Variants in NCOA1 observed in about 807,000 individuals in gnomAD.
NCOA1 encodes the protein Hin-2 protein.
Under a neutral mutation model 150.9 loss-of-function variants are expected in NCOA1, and 35 were observed. The observed-to-expected ratio is 0.23, with a 90% CI of 0.18 to 0.31. The LOEUF (loss-of-function observed/expected upper bound fraction) is 0.31. Among genes scored for constraint, NCOA1 ranks in the 10% least tolerant of loss-of-function variants. NCOA1 has a pLI of 1.00. For synonymous variants in NCOA1, 590 were observed against 630.0 expected (o/e 0.94, Z 0.95); for missense variants, 1,491 against 1,749.3 (o/e 0.85, Z 2.63).
intron 3 of NCOA1, among the ~76,000 whole-genome samples, chr2:24,625,359 T>C (rs1366736153): frequency 2.4e-5 from 2 of 82,378 alleles, no homozygotes; most frequent in African/African-American, 3.5e-5. Flanking sequence ...AGCGAGACTC[T>C]GCCTCAAAAA....
At chr2:24,642,944 G>A (rs1558867421) in intron 3 of NCOA1, among the ~76,000 whole-genome samples, 1 of 152,152 alleles carries the variant, frequency 6.6e-6, no homozygotes, top group Non-Finnish European at 1.5e-5. Context: ...GGAACAGATT[G>A]CAGTTGTCAA....
Position 24,729,754 on chromosome 2 carries a change from C to A in NCOA1, c.3140C>A (p.Pro1047His). ...CAGCCCAGGCAAACTCTAAACAGAC[C>A]TCCGGCTGCACCTAACCAGCTTCGA... ...GMQPRQTLNRPPAAPNQLRLQ... is the reference protein window; with the variant it reads ...GMQPRQTLNRHPAAPNQLRLQ... Residue 1047 changes from proline (P) to histidine (H), a missense_variant, in exon 17 of 23, where the codon CCT becomes CAT. This residue lies in a region of NCOA1 where 485 missense variants were observed against 522.8 expected (regional missense o/e 0.93). Transcript: ENST00000348332. 1 of 1,614,226 alleles carries A rather than the reference C, an allele frequency of 6.2e-7. No individual in the cohort carries two copies. Among genetic ancestry groups the A allele is most frequent in the East Asian group, 2.2e-5 (1 of 44,888 alleles).
At chr2:24,742,247 A>C in intron 19 of NCOA1, 61 bp downstream of exon 19, 2 of 1,513,914 alleles carry the variant, frequency 1.3e-6, no homozygotes, top group Non-Finnish European at 1.8e-6. Flanking sequence ...GTCTCTCTCC[A>C]TCTTTATGTC....
At chr2:24,646,706 C>CTTT (rs79399130) in intron 4 of NCOA1, among the ~76,000 whole-genome samples, 2 of 132,294 alleles carry the variant, frequency 1.5e-5, no homozygotes, top group African/African-American at 2.8e-5. Context: ...TTTCTTCTTT[C>CTTT]TTTTTTTTTT....
intron 1 of NCOA1, among the ~76,000 whole-genome samples, chr2:24,552,221 G>A (rs968790893): frequency 6.7e-6 from 1 of 148,446 alleles, no homozygotes; most frequent in Non-Finnish European, 1.5e-5. Flanking sequence ...ATTAATTTGG[G>A]GGAAAATTGA....
chr2:24,493,437 C>T (rs1404276689), intron 1 of NCOA1, among the ~76,000 whole-genome samples: 1 of 152,156 alleles, frequency 6.6e-6, no homozygotes, highest in Non-Finnish European at 1.5e-5. Context: ...GGTTATTTAA[C>T]AACATTGAAG....
chr2:24,570,477 T>G (rs2148279016), intron 2 of NCOA1, among the ~76,000 whole-genome samples: 1 of 152,320 alleles, frequency 6.6e-6, no homozygotes, highest in East Asian at 1.9e-4. Context: ...AACTCATTAG[T>G]TTTCTTCAGA....
At chr2:24,670,087 G>A (rs934064044) in intron 6 of NCOA1, among the ~76,000 whole-genome samples, 6 of 152,146 alleles carry the variant, frequency 3.9e-5, no homozygotes, top group Admixed American at 2.0e-4. Context: ...GCAATGAGCT[G>A]TGATTGTGCC....
At chr2:24,637,694 T>C (rs1039823485) in intron 3 of NCOA1, among the ~76,000 whole-genome samples, 5 of 151,248 alleles carry the variant, frequency 3.3e-5, no homozygotes, top group Admixed American at 1.3e-4. Flanking sequence ...TTGTTTTGTT[T>C]TGTTTTGTTT....
intron 10 of NCOA1, 53 bp downstream of exon 10, chr2:24,693,400 C>A: frequency 7.1e-7 from 1 of 1,407,592 alleles, no homozygotes; most frequent in Non-Finnish European, 1.0e-6. Context: ...TGTGACTCTG[C>A]CCTTAAAACT....
At chr2:24,557,952 T>C (rs1666138797) in intron 1 of NCOA1, among the ~76,000 whole-genome samples, 1 of 151,454 alleles carries the variant, frequency 6.6e-6, no homozygotes, top group Admixed American at 6.6e-5. Context: ...TTGGTGTTTA[T>C]TATGAAGGGT....
chr2:24,633,617 T>C (rs1168320788), intron 3 of NCOA1, among the ~76,000 whole-genome samples: 2 of 152,154 alleles, frequency 1.3e-5, no homozygotes, highest in Non-Finnish European at 2.9e-5. Flanking sequence ...CTCCATAATA[T>C]TCAGGGAAAT....
At chr2:24,673,525 T>C in intron 7 of NCOA1, 62 bp downstream of exon 7, 1 of 1,130,206 alleles carries the variant, frequency 8.8e-7, no homozygotes, top group Non-Finnish European at 1.3e-6. Context: ...TTTGGTTTTT[T>C]CTTTTTTAAA....
intron 10 of NCOA1, 121 bp from the exon 11 acceptor site, chr2:24,697,537 T>A (rs1672958754): frequency 3.4e-6 from 3 of 895,378 alleles, no homozygotes; most frequent in Non-Finnish European, 4.9e-6. Flanking sequence ...TAGTGCTTTT[T>A]GATGCTTTTG....
At chr2:24,608,522 C>G (rs2148376718) in intron 3 of NCOA1, among the ~76,000 whole-genome samples, 1 of 151,644 alleles carries the variant, frequency 6.6e-6, no homozygotes, top group African/African-American at 2.4e-5. Context: ...CCACCTCGTC[C>G]TCCCAAAGTA....
At chr2:24,717,607 CAT>C (rs563520170) in intron 14 of NCOA1, among the ~76,000 whole-genome samples, 2 of 151,696 alleles carry the variant, frequency 1.3e-5, no homozygotes, top group African/African-American at 2.4e-5. Flanking sequence ...GACATATACA[CAT>C]ATATATATAT....
chr2:24,749,960 G>A (rs894380303), intron 19 of NCOA1, among the ~76,000 whole-genome samples: 3 of 152,046 alleles, frequency 2.0e-5, no homozygotes, highest in Admixed American at 1.3e-4. Flanking sequence ...GTTAAGTAGA[G>A]CCTAGAGCCA....
At chr2:24,609,082 C>T (rs529059497) in intron 3 of NCOA1, among the ~76,000 whole-genome samples, 18 of 152,210 alleles carry the variant, frequency 1.2e-4, no homozygotes, top group Admixed American at 6.5e-4. Context: ...CTTTTCCTTA[C>T]TTAATTGTTG....
chr2:24,497,632 A>G (rs553206145), intron 1 of NCOA1, among the ~76,000 whole-genome samples: 13 of 152,052 alleles, frequency 8.5e-5, no homozygotes, highest in Admixed American at 7.2e-4. Flanking sequence ...AGATCGCGCC[A>G]TTGCACTCCA....
Sources: allele counts gnomAD v4.1 joint callset (sites outside exome capture counted in the v4.1 genomes callset), GRCh38; gene constraint gnomAD v4.1.1; regional missense constraint gnomAD v4.1.1; transcripts MANE v1.5; gene names NCBI Gene and HGNC (gene_info 2026-07-23, HGNC 2026-07-21).